CBLN3: variants seen among roughly 807,000 people sequenced by gnomAD.
CBLN3 encodes cerebellin 3 precursor, also known as cerebellin-3.
Under a neutral mutation model 17.4 loss-of-function variants are expected in CBLN3, and 14 were observed. The ratio of observed to expected loss-of-function variants is 0.81; its 90% confidence interval spans 0.53 to 1.26. The LOEUF is 1.26. Among genes scored for constraint, CBLN3 ranks in the 50% most tolerant of loss-of-function variants. The probability of loss-of-function intolerance (pLI) is 0.00; values close to 1 mark genes in which losing one functional copy is unlikely to be tolerated. For missense variants in CBLN3, 263 were observed against 268.5 expected, an observed-to-expected ratio of 0.98 and a Z score of 0.14; for synonymous variants, 129 against 117.4, an observed-to-expected ratio of 1.10 and a Z score of -0.64.
In CBLN3 at chr14:24,426,974, G is replaced by GT. The variant is rs1299113032; in HGVS notation, c.*814dup. On this transcript the variant is annotated 3_prime_UTR_variant, in exon 3 of 3. Coordinates refer to ENST00000267406, the MANE Select transcript of CBLN3 (RefSeq NM_001039771.3). ...TTCAAAGGTGGAGCAGTTTCAGGAG[G>GT]TGGCCAAGCAAGAGGATGCATGGTT... The GT allele has an allele frequency of 4.6e-5, 7 of 152,446 alleles. No homozygotes were observed. The highest frequency in any genetic ancestry group is 4.6e-4 in the Admixed American group (7 of 15,308). 9.4% of individuals were successfully genotyped at this position (152,446 alleles called of 1,614,324 possible).
chr14:24,428,958 G>A lies in CBLN3; in HGVS notation c.97C>T (p.Gln33Ter), dbSNP rs1332379760. Residue 33 changes from glutamine (Q) to a stop codon, truncating the protein, a stop_gained, in exon 1 of 3, where the codon CAG (glutamine) becomes TAG (stop). Coordinates refer to ENST00000267406, the MANE Select transcript of CBLN3 (RefSeq NM_001039771.3). LOFTEE classifies it high-confidence loss of function. ...AGCAGGACGGGCTCTGACCCCTCCT[G>A]GGCCCACCCGGCCCCCAGGGCCAGA... The part of the protein sequence containing the change: ...VLLALGAGWA[Q>*]EGSEPVLLEG... 1 of 1,551,754 alleles carries A rather than the reference G, an allele frequency of 6.4e-7. No individual in the cohort carries two copies. The highest frequency in any genetic ancestry group is 1.4e-5 in the African/African-American group (1 of 73,056).
rs757640049 is a variant in CBLN3, at chr14:24,427,992, G to C, written c.421-6C>G. On this transcript the variant is annotated splice_polypyrimidine_tract_variant and splice_region_variant and intron_variant, in intron 2 of 2. Coordinates refer to ENST00000267406, the MANE Select transcript of CBLN3 (RefSeq NM_001039771.3). The surrounding 1 kb of genome is among the most constrained non-coding windows in gnomAD (Gnocchi z 4.4). Reference sequence around the variant, plus strand: ...GTGTTCAGCATCAGGCTCACCTGGGGAGGGGAGCCCAGTTAGCCCCCATTC... The same window carrying C: ...GTGTTCAGCATCAGGCTCACCTGGGCAGGGGAGCCCAGTTAGCCCCCATTC... The C allele has an allele frequency of 1.4e-5, 23 of 1,611,774 alleles. No individual in the cohort carries two copies. The highest frequency in any genetic ancestry group is 2.0e-5 in the Non-Finnish European group (23 of 1,179,180).
rs201024767 is a variant in CBLN3, at chr14:24,428,760, C to G, written c.295G>C (p.Asp99His). ...GNGTSGAIYF[D>H]QVLVNEGGGF... ...GACAGGGGTAGGGGGATTACCTGGT[C>G]GAAGTAGATGGCCCCACTGGTGCCA... The change falls in exon 1 of 3, where the codon GAC (aspartate) becomes CAC (histidine). Residue 99 changes from aspartate to histidine, a missense_variant. Asp to His is a moderately conservative substitution (Grantham distance 81, BLOSUM62 -1). Transcript: ENST00000267406. 1 of 1,585,118 alleles carries G rather than the reference C, an allele frequency of 6.3e-7. No homozygotes were observed. Among genetic ancestry groups the G allele is most frequent in the Admixed American group, 1.7e-5 (1 of 58,618 alleles).
chr14:24,428,737 C>T lies in CBLN3; in HGVS notation c.300+18G>A. The T allele has an allele frequency of 1.3e-6, 2 of 1,554,710 alleles. No individual in the cohort carries two copies. Among genetic ancestry groups the T allele is most frequent in the East Asian group, 2.3e-5 (1 of 44,224 alleles). On this transcript the variant is annotated intron_variant, in intron 1 of 2. Coordinates refer to ENST00000267406, the MANE Select transcript of CBLN3 (RefSeq NM_001039771.3). ...GCAGGGTCTTTCCAGGTCCCCTGGA[C>T]AGGGGTAGGGGGATTACCTGGTCGA... is the stretch of plus-strand genomic sequence containing the variant.
In CBLN3 at chr14:24,427,863, G is replaced by A; in HGVS notation, c.544C>T (p.Arg182Cys). 19 of 1,614,094 alleles carry A rather than the reference G, an allele frequency of 1.2e-5. No homozygotes were observed. The highest frequency in any genetic ancestry group is 1.5e-5 in the Non-Finnish European group (18 of 1,179,996). ...CCCAGTAGATTCCCCCGACGCAGGC[G>A]CAGAGACACTCGGTCCCCAGGGTCC... ...PLDPGDRVSL[R>C]LRRGNLLGGW... is the part of the protein sequence containing the mutation. Residue 182 changes from arginine to cysteine, a missense_variant, in exon 3 of 3, where the codon CGC (arginine) becomes TGC (cysteine). Transcript: ENST00000267406. The surrounding 1 kb of genome is among the most constrained non-coding windows in gnomAD (Gnocchi z 4.4).
At position 24,427,681 on chromosome 14, in the gene CBLN3, G is replaced by T; in HGVS notation, c.*108C>A. ...CACAGGGTCCCATGCAAAGAGGTGG[G>T]ATAGGAGCCAGAGGGAGTCTCTCTC... On this transcript the variant is annotated 3_prime_UTR_variant, in exon 3 of 3. Coordinates refer to ENST00000267406, the MANE Select transcript of CBLN3 (RefSeq NM_001039771.3). This position sits in a 1 kb window ranked among gnomAD's most constrained non-coding sequence, Gnocchi z 4.4. The T allele has an allele frequency of 1.0e-6, 1 of 1,002,824 alleles. No individual in the cohort carries two copies. 62.1% of individuals were successfully genotyped at this position (1,002,824 alleles called of 1,614,324 possible).
At chr14:24,428,208 C>T in intron 2 of CBLN3, 78 bp downstream of exon 2, 1 of 1,574,398 alleles carries the variant, frequency 6.4e-7, no homozygotes, top group South Asian at 1.1e-5. Context: ...GGAGAGTCCA[C>T]CCGGAGGTCA....
Position 24,428,211 on chromosome 14 carries a change from G to A in CBLN3, c.420+75C>T, listed in dbSNP as rs958449087. 7.6e-6 allele frequency: 12 copies of A among 1,580,222 alleles called. No individual in the cohort carries two copies. In the African/African-American group the frequency reaches 8.1e-5, roughly 11 times the overall value. On this transcript the variant is annotated intron_variant, in intron 2 of 2. Transcript: ENST00000267406. Reference sequence around the variant, plus strand: ...ACACAGGTCAATGGAGAGTCCACCCGGAGGTCAGCTGGGCTCCCCTTCTTC... The same window carrying A: ...ACACAGGTCAATGGAGAGTCCACCCAGAGGTCAGCTGGGCTCCCCTTCTTC...
Position 24,428,886 on chromosome 14 carries a change from C to T in CBLN3, c.169G>A (p.Gly57Arg). The change falls in exon 1 of 3, where the codon GGG becomes AGG. Residue 57 changes from glycine (G) to arginine (R), a missense_variant. Coordinates refer to ENST00000267406, the MANE Select transcript of CBLN3 (RefSeq NM_001039771.3). Reference protein sequence around the residue: ...VVCEPGRAAAGGPGGAALGEA... With the variant: ...VVCEPGRAAARGPGGAALGEA... ...CCCAGGGCTGCTCCCCCGGGCCCCC[C>T]TGCAGCAGCTCGGCCAGGCTCACAG... 1 of 1,596,464 alleles carries T rather than the reference C, an allele frequency of 6.3e-7. No homozygotes were observed. The highest frequency in any genetic ancestry group is 8.5e-7 in the Non-Finnish European group (1 of 1,171,680).
At position 24,429,060 on chromosome 14, in the gene CBLN3, AG is replaced by A; in HGVS notation, c.-7del. Reference sequence around the variant, plus strand: ...TGTGGCTTGGCTCCCAACATGGCTGAGGGGCTCTGCAACCCACAAGTGCCCC... The same window carrying A: ...TGTGGCTTGGCTCCCAACATGGCTGAGGGCTCTGCAACCCACAAGTGCCCC... On this transcript the variant is annotated 5_prime_UTR_variant, in exon 1 of 3. Coordinates refer to ENST00000267406, the MANE Select transcript of CBLN3 (RefSeq NM_001039771.3). 1 of 1,489,022 alleles carries A rather than the reference AG, an allele frequency of 6.7e-7. No homozygotes were observed. The highest frequency in any genetic ancestry group is 1.4e-5 in the African/African-American group (1 of 71,342). 92.2% of individuals were successfully genotyped at this position (1,489,022 alleles called of 1,614,324 possible). A position where few individuals can be genotyped will look rare whatever the true frequency, so the allele number is the denominator to read the frequency against.
At chr14:24,428,455 CA>C in intron 1 of CBLN3, 50 bp from the exon 2 acceptor site, 2 of 1,607,340 alleles carry the variant, frequency 1.2e-6, no homozygotes, top group Non-Finnish European at 1.7e-6. Context: ...GCCCATGGCT[CA>C]GGGGTACCAT....
chr14:24,428,530 G>A, intron 1 of CBLN3, 125 bp from the exon 2 acceptor site: 1 of 1,220,488 alleles, frequency 8.2e-7, no homozygotes, highest in South Asian at 1.5e-5. Flanking sequence ...GTGAATAGGA[G>A]TGAACAGATT....
In CBLN3 at chr14:24,429,272, A is replaced by G. The variant is rs906852600; in HGVS notation, c.-218T>C. 6.1e-5 allele frequency: 43 copies of G among 703,388 alleles called. No individual in the cohort carries two copies. Among genetic ancestry groups the G allele is most frequent in the Non-Finnish European group, 1.0e-4 (40 of 394,896 alleles). 43.6% of individuals were successfully genotyped at this position (703,388 alleles called of 1,614,324 possible). A position where few individuals can be genotyped will look rare whatever the true frequency, so the allele number is the denominator to read the frequency against. On this transcript the variant is annotated 5_prime_UTR_variant, in exon 1 of 3. Transcript: ENST00000267406. Reference sequence around the variant, plus strand: ...CCTCCTTGGCAGAGCATGCAGTGACAGCAGTTGGGCTTTGGGAGAGAAAGG... The same window carrying G: ...CCTCCTTGGCAGAGCATGCAGTGACGGCAGTTGGGCTTTGGGAGAGAAAGG...
Position 24,429,083 on chromosome 14 carries a change from C to T in CBLN3, c.-29G>A, listed in dbSNP as rs2043058068. ...TGAGGGGCTCTGCAACCCACAAGTG[C>T]CCCGGTCTTCTGCCCCTCTTCTGTT... On this transcript the variant is annotated 5_prime_UTR_variant, in exon 1 of 3. Coordinates refer to ENST00000267406, the MANE Select transcript of CBLN3 (RefSeq NM_001039771.3). 2 of 1,465,284 alleles carry T rather than the reference C, an allele frequency of 1.4e-6. No individual in the cohort carries two copies. The highest frequency in any genetic ancestry group is 1.8e-6 in the Non-Finnish European group (2 of 1,104,970). 90.8% of individuals were successfully genotyped at this position (1,465,284 alleles called of 1,614,324 possible). A position where few individuals can be genotyped will look rare whatever the true frequency, so the allele number is the denominator to read the frequency against.
rs1377148353 is a variant in CBLN3, at chr14:24,428,409, G to T, written c.301-4C>A. On this transcript the variant is annotated splice_region_variant and splice_polypyrimidine_tract_variant and intron_variant, in intron 1 of 2. Transcript: ENST00000267406. ...CACCGCCCTCGTTCACCAGGACCTG[G>T]GGGAAGCAGAGCCTGCTGAGTGGGG... The T allele has an allele frequency of 1.2e-6, 2 of 1,613,658 alleles. No homozygotes were observed. Among genetic ancestry groups the T allele is most frequent in the East Asian group, 2.2e-5 (1 of 44,882 alleles).
In CBLN3 at chr14:24,428,827, C is replaced by T. The variant is rs952513048; in HGVS notation, c.228G>A (p.Ala76=). The T allele has an allele frequency of 1.2e-5, 19 of 1,612,714 alleles. No homozygotes were observed. The East Asian group carries it at 1.6e-4, about 13-fold the overall frequency. ...CTGGCTCATGGTGGTGGCTTCGGAC[C>T]GCAGCAAATGCCACTCGCCCAGGGG... is the stretch of plus-strand genomic sequence containing the variant. ...EAPPGRVAFA[A]VRSHHHEPAG... The change falls in exon 1 of 3, where the codon GCG becomes GCA. Residue 76 remains alanine (A), a synonymous_variant. Coordinates refer to ENST00000267406, the MANE Select transcript of CBLN3 (RefSeq NM_001039771.3).
rs982333762 is a variant in CBLN3, at chr14:24,428,187, C to T, written c.420+99G>A. 4.0e-6 allele frequency: 6 copies of T among 1,508,268 alleles called. No homozygotes were observed. In the African/African-American group the frequency reaches 8.3e-5, roughly 21 times the overall value. 93.4% of individuals were successfully genotyped at this position (1,508,268 alleles called of 1,614,324 possible). On this transcript the variant is annotated intron_variant, in intron 2 of 2. Coordinates refer to ENST00000267406, the MANE Select transcript of CBLN3 (RefSeq NM_001039771.3). ...CCTCCCCTGGTCCTGGCCTCCAGGA[C>T]ACAGGTCAATGGAGAGTCCACCCGG...
At chr14:24,428,729 C>G (rs1003740892) in intron 1 of CBLN3, 26 bp downstream of exon 1, 2 of 1,548,974 alleles carry the variant, frequency 1.3e-6, no homozygotes, top group South Asian at 2.4e-5. Context: ...CTTTCCAGGT[C>G]CCCTGGACAG....
Position 24,427,520 on chromosome 14 carries a change from A to G in CBLN3, c.*269T>C. The G allele has an allele frequency of 2.2e-6, 1 of 453,178 alleles. No individual in the cohort carries two copies. Among genetic ancestry groups the G allele is most frequent in the Non-Finnish European group, 3.9e-6 (1 of 256,454 alleles). 28.1% of individuals were successfully genotyped at this position (453,178 alleles called of 1,614,324 possible). A position where few individuals can be genotyped will look rare whatever the true frequency, so the allele number is the denominator to read the frequency against. On this transcript the variant is annotated 3_prime_UTR_variant, in exon 3 of 3. Transcript: ENST00000267406. This position sits in a 1 kb window ranked among gnomAD's most constrained non-coding sequence, Gnocchi z 4.4. ...TAGTGCAGATCTTCCTTCTTGCCAA[A>G]CCTTGCCCTGATCCTAGGGCTGCAG...
Sources: allele counts gnomAD v4.1 joint callset, GRCh38; gene constraint gnomAD v4.1.1; non-coding constraint Gnocchi (gnomAD v3.1); transcripts MANE v1.5; gene names NCBI Gene and HGNC (gene_info 2026-07-23, HGNC 2026-07-21).